The following HYCC1 variants were observed in gnomAD, a reference collection of about 807,000 sequenced individuals.
The protein encoded by HYCC1 is hyccin PI4KA lipid kinase complex subunit 1.
chr7:22,897,858 T>C, the HYCC1 span, among the ~76,000 whole-genome samples: 1 of 152,176 alleles, frequency 6.6e-6, no homozygotes, highest in East Asian at 1.9e-4. Flanking sequence ...GGTCTCGAAC[T>C]CCTAGGCTCA....
the HYCC1 span, among the ~76,000 whole-genome samples, chr7:23,007,262 CT>C: frequency 3.3e-5 from 5 of 152,106 alleles, no homozygotes; most frequent in African/African-American, 1.2e-4. Flanking sequence ...AGAAAGAGTC[CT>C]AATTAAGAAA....
the HYCC1 span, among the ~76,000 whole-genome samples, chr7:23,000,584 T>A: frequency 8.5e-5 from 13 of 152,324 alleles, no homozygotes; most frequent in African/African-American, 3.1e-4. Context: ...AAATATGTGG[T>A]ACACTATTAC....
chr7:22,979,055 T>C, the HYCC1 span, among the ~76,000 whole-genome samples: 1 of 152,154 alleles, frequency 6.6e-6, no homozygotes, highest in East Asian at 1.9e-4. Context: ...ATTCACAAGG[T>C]ACTGTTCACA....
At chr7:22,985,148 C>A in the HYCC1 span, among the ~76,000 whole-genome samples, 1 of 152,208 alleles carries the variant, frequency 6.6e-6, no homozygotes, top group Non-Finnish European at 1.5e-5. Flanking sequence ...GATACCATGT[C>A]TCAGGATATT....
the HYCC1 span, among the ~76,000 whole-genome samples, chr7:22,925,374 A>G: frequency 6.6e-6 from 1 of 152,174 alleles, no homozygotes; most frequent in Non-Finnish European, 1.5e-5. Flanking sequence ...CCAGAAGATC[A>G]AGCTACTCCG....
the HYCC1 span, among the ~76,000 whole-genome samples, chr7:22,986,755 G>T: frequency 6.6e-6 from 1 of 152,186 alleles, no homozygotes; most frequent in Non-Finnish European, 1.5e-5. Flanking sequence ...GGCTGAGGCA[G>T]GAGAATCGCT....
chr7:22,933,177 C>G, the HYCC1 span, among the ~76,000 whole-genome samples: 1 of 152,284 alleles, frequency 6.6e-6, no homozygotes, highest in African/African-American at 2.4e-5. Context: ...TGTTTTGTTA[C>G]AACAGTTCTA....
the HYCC1 span, chr7:22,976,661 T>C: frequency 7.6e-7 from 1 of 1,307,240 alleles, no homozygotes; most frequent in South Asian, 1.2e-5. Flanking sequence ...AATTAGTGGA[T>C]TAAGATAAGA....
chr7:22,959,176 T>C, the HYCC1 span, among the ~76,000 whole-genome samples: 1 of 152,156 alleles, frequency 6.6e-6, no homozygotes, highest in East Asian at 1.9e-4. Context: ...TATGGAACTT[T>C]CAAGAATTGC....
the HYCC1 span, among the ~76,000 whole-genome samples, chr7:22,955,671 C>T: frequency 2.0e-5 from 3 of 151,384 alleles, no homozygotes; most frequent in African/African-American, 7.3e-5. Context: ...TAGTAGTTGT[C>T]GTGAACAGAG....
At chr7:23,013,564 A>T in the HYCC1 span, among the ~76,000 whole-genome samples, 1 of 152,112 alleles carries the variant, frequency 6.6e-6, no homozygotes, top group Non-Finnish European at 1.5e-5. Flanking sequence ...GGTGGGGCCG[A>T]GGCGGCGGCA....
the HYCC1 span, among the ~76,000 whole-genome samples, chr7:22,912,481 C>T: frequency 6.6e-6 from 1 of 152,160 alleles, no homozygotes; most frequent in Non-Finnish European, 1.5e-5. Flanking sequence ...TCCCTTCCTC[C>T]ACCTAACACT....
At chr7:22,964,318 C>T in the HYCC1 span, 1 of 758,684 alleles carries the variant, frequency 1.3e-6, no homozygotes, top group Non-Finnish European at 2.4e-6. Context: ...ATGCAAATCA[C>T]TTATCTATTG....
chr7:22,905,259 T>C, the HYCC1 span, among the ~76,000 whole-genome samples: 1 of 151,880 alleles, frequency 6.6e-6, no homozygotes, highest in African/African-American at 2.4e-5. Flanking sequence ...CAGGCTGGAG[T>C]GCAGTGGTGA....
the HYCC1 span, chr7:22,978,394 G>C: frequency 6.2e-7 from 1 of 1,613,928 alleles, no homozygotes; most frequent in Non-Finnish European, 8.5e-7. Context: ...TGAAGCAACT[G>C]CTCCTCTCCA....
chr7:22,944,062 T>A, the HYCC1 span: 1 of 152,154 alleles, frequency 6.6e-6, no homozygotes, highest in Non-Finnish European at 1.5e-5. Context: ...TTTTCATATA[T>A]CTGAGCTCTG....
At chr7:22,945,962 C>A in the HYCC1 span, 2 of 1,613,692 alleles carry the variant, frequency 1.2e-6, no homozygotes, top group Non-Finnish European at 1.7e-6. Flanking sequence ...GCAAGATTCC[C>A]CTGTAGTTTC....
the HYCC1 span, among the ~76,000 whole-genome samples, chr7:22,917,778 G>T: frequency 6.6e-6 from 1 of 152,120 alleles, no homozygotes; most frequent in African/African-American, 2.4e-5. Context: ...CCACCCTTAA[G>T]TCTCTCTTAA....
chr7:22,920,286 A>T, the HYCC1 span, among the ~76,000 whole-genome samples: 1 of 152,206 alleles, frequency 6.6e-6, no homozygotes, highest in African/African-American at 2.4e-5. Flanking sequence ...GTGAGCCATG[A>T]TTGTGCCACT....
Sources: allele counts gnomAD v4.1 joint callset (sites outside exome capture counted in the v4.1 genomes callset), GRCh38; gene constraint gnomAD v4.1.1; transcripts MANE v1.5; gene names NCBI Gene and HGNC (gene_info 2026-07-23, HGNC 2026-07-21).